The following ZNF600 variants were observed in gnomAD, a reference collection of about 807,000 sequenced individuals.
ZNF600 encodes the protein zinc finger protein 600.
A neutral mutation model predicts 7.3 loss-of-function variants in ZNF600; 4 were observed. The ratio of observed to expected loss-of-function variants is 0.55; its 90% CI spans 0.27 to 1.25. ZNF600 has a LOEUF of 1.25. Ranked by LOEUF, ZNF600 falls within the 50% of genes most tolerant of loss-of-function variation. The pLI, the probability that ZNF600 is intolerant of heterozygous loss-of-function variation, is 0.12. For missense variants in ZNF600, 911 were observed against 922.1 expected (o/e 0.99, Z 0.16); for synonymous variants, 290 against 308.9 (o/e 0.94, Z 0.64).
the ZNF600 span, among the ~76,000 whole-genome samples, chr19:52,808,772 C>T: frequency 4.6e-5 from 7 of 152,156 alleles, no homozygotes; most frequent in African/African-American, 1.7e-4. Context: ...GTGATCCCAC[C>T]AGGGCACTCA....
the ZNF600 span, chr19:52,800,724 C>T: frequency 5.1e-5 from 82 of 1,609,048 alleles, no homozygotes; most frequent in Non-Finnish European, 6.4e-5. Context: ...ATGAAGCCTA[C>T]GATGGCGTGC....
intron 1 of ZNF600, among the ~76,000 whole-genome samples, chr19:52,783,639 G>A (rs550907152): frequency 2.5e-4 from 38 of 152,296 alleles, no homozygotes; most frequent in African/African-American, 8.9e-4. Context: ...GGGATTACAA[G>A]CGTGAGCCAC....
At chr19:52,828,791 C>T in the ZNF600 span, among the ~76,000 whole-genome samples, 1 of 152,284 alleles carries the variant, frequency 6.6e-6, no homozygotes, top group South Asian at 2.1e-4. Flanking sequence ...CAGATTCGGC[C>T]TTTCAGATAA....
At chr19:52,821,597 G>A in the ZNF600 span, 1 of 152,184 alleles carries the variant, frequency 6.6e-6, no homozygotes, top group African/African-American at 2.4e-5. Context: ...GCCCGCCGCG[G>A]CGTCACCGTC....
At chr19:52,821,322 A>G in the ZNF600 span, among the ~76,000 whole-genome samples, 11 of 152,266 alleles carry the variant, frequency 7.2e-5, no homozygotes, top group Admixed American at 5.2e-4. Context: ...GAAGGAGTCA[A>G]AAAAAGGTTT....
At position 52,775,550 on chromosome 19, in the gene ZNF600, A is replaced by AAAAC. The variant is rs546117391; in HGVS notation, c.64-853_64-850dup. On this transcript the variant is annotated intron_variant, in intron 2 of 3. Transcript: ENST00000648973. ...GGCAACAGAGCAAGACTCCATCTCA[A>AAAAC]AAACAAACAAACAAACAAACAAACA... is the stretch of plus-strand genomic sequence containing the variant. Among the ~76,000 whole-genome samples, 162 of 152,248 alleles carry AAAAC rather than the reference A, an allele frequency of 1.1e-3. 1 individual carries two copies. The highest frequency in any genetic ancestry group is 2.2e-3 in the Admixed American group (33 of 15,278).
At chr19:52,770,057 C>T (rs1336700385) in intron 3 of ZNF600, among the ~76,000 whole-genome samples, 5 of 152,180 alleles carry the variant, frequency 3.3e-5, no homozygotes, top group Admixed American at 3.3e-4. Context: ...TACTTAACCA[C>T]CAGCACACAA....
exon 4 of ZNF600, chr19:52,765,472 G>A: frequency 6.8e-7 from 1 of 1,460,154 alleles, no homozygotes; most frequent in Non-Finnish European, 9.6e-7. Context: ...ATGTATGAAT[G>A]ATGTCTGAAA....
chr19:52,767,413 T>C, exon 4 of ZNF600: 2 of 1,614,156 alleles, frequency 1.2e-6, no homozygotes, highest in South Asian at 2.2e-5. Flanking sequence ...GCATCACTGG[T>C]AGACTTCTCA....
At chr19:52,767,287 T>C (rs143260931) in exon 4 of ZNF600, 68 of 1,614,226 alleles carry the variant, frequency 4.2e-5, no homozygotes, top group Non-Finnish European at 5.3e-5. Flanking sequence ...TTTTCTCTCA[T>C]GTATACTTCC....
the ZNF600 span, among the ~76,000 whole-genome samples, chr19:52,807,517 G>A: frequency 1.3e-5 from 2 of 152,072 alleles, no homozygotes; most frequent in Admixed American, 6.6e-5. Flanking sequence ...TCTGTCGTCC[G>A]GGCTGGAGTG....
the ZNF600 span, among the ~76,000 whole-genome samples, chr19:52,826,037 T>TA: frequency 2.0e-5 from 3 of 152,170 alleles, no homozygotes; most frequent in East Asian, 3.9e-4. Context: ...CTGTAGGACT[T>TA]ACGCTGACTT....
At chr19:52,821,150 T>A in the ZNF600 span, among the ~76,000 whole-genome samples, 2 of 151,552 alleles carry the variant, frequency 1.3e-5, no homozygotes, top group African/African-American at 4.9e-5. Flanking sequence ...CGACGACGCC[T>A]TCGGACAAGG....
chr19:52,789,961 G>A (rs893592509), upstream of ZNF600, among the ~76,000 whole-genome samples: 2 of 152,042 alleles, frequency 1.3e-5, no homozygotes, highest in African/African-American at 4.8e-5. Flanking sequence ...TCCCTGGTGG[G>A]TAGGAGTGGG....
chr19:52,783,583 A>G (rs981796627), intron 1 of ZNF600, among the ~76,000 whole-genome samples: 3 of 152,040 alleles, frequency 2.0e-5, no homozygotes, highest in South Asian at 2.1e-4. Context: ...GGACGGTCTC[A>G]ATCTCCTGAC....
At chr19:52,805,737 C>G in the ZNF600 span, 1 of 152,034 alleles carries the variant, frequency 6.6e-6, no homozygotes, top group African/African-American at 2.4e-5. Context: ...AATCCCAACA[C>G]TTTGGGAGGA....
chr19:52,768,284 CA>C (rs2062605101), intron 3 of ZNF600, among the ~76,000 whole-genome samples: 1 of 151,168 alleles, frequency 6.6e-6, no homozygotes, highest in African/African-American at 2.4e-5. Context: ...GAGAAGATTA[CA>C]AAAATTAACC....
exon 3 of ZNF600, chr19:52,774,683 C>T (rs1324396494): frequency 1.0e-6 from 1 of 985,216 alleles, no homozygotes; most frequent in African/African-American, 1.7e-5. Context: ...ATAGCCACAT[C>T]CCTGAAAGTC....
the ZNF600 span, among the ~76,000 whole-genome samples, chr19:52,812,777 A>T: frequency 6.6e-6 from 1 of 150,972 alleles, no homozygotes; most frequent in Non-Finnish European, 1.5e-5. Context: ...AAAAAAAAAA[A>T]AAAAAAAAAA....
Sources: gnomAD v4.1 joint callset for allele counts (sites outside exome capture counted in the v4.1 genomes callset) on GRCh38, gnomAD v4.1.1 for gene constraint, MANE v1.5 for transcripts, NCBI Gene and HGNC (gene_info 2026-07-23, HGNC 2026-07-21) for gene names.